GAREM1: variants seen among roughly 807,000 people sequenced by gnomAD.
GAREM1 encodes GRB2 associated regulator of MAPK1 subtype 1.
In GAREM1, 26 loss-of-function variants were observed where a neutral mutation model predicts 71.3. The observed-to-expected ratio is 0.36, with a 90% confidence interval of 0.27 to 0.51. The LOEUF is 0.51. Among genes scored for constraint, GAREM1 ranks in the 20% least tolerant of loss-of-function variants. GAREM1 has a pLI of 0.95. For synonymous variants in GAREM1, 440 were observed against 433.2 expected (o/e 1.02, Z -0.20); for missense variants, 1,026 against 1,103.1 (o/e 0.93, Z 0.99).
chr18:32,443,773 C>T (rs2048762905), intron 1 of GAREM1, among the ~76,000 whole-genome samples: 2 of 152,152 alleles, frequency 1.3e-5, no homozygotes, highest in African/African-American at 4.8e-5. Context: ...TGTAGGTACG[C>T]ATCCAACAGA....
intron 2 of GAREM1, among the ~76,000 whole-genome samples, chr18:32,315,823 G>A (rs894416118): frequency 5.3e-5 from 8 of 152,150 alleles, no homozygotes; most frequent in African/African-American, 1.7e-4. Flanking sequence ...GATGAAATAA[G>A]AAGAGCTTTG....
chr18:32,349,365 C>T (rs570781017), intron 2 of GAREM1, among the ~76,000 whole-genome samples: 7 of 152,152 alleles, frequency 4.6e-5, no homozygotes, highest in South Asian at 4.1e-4. Context: ...TTTCAAAAAC[C>T]GTCTGGATTT....
chr18:32,376,145 T>C (rs1280251771), intron 2 of GAREM1, among the ~76,000 whole-genome samples: 1 of 152,242 alleles, frequency 6.6e-6, no homozygotes, highest in Non-Finnish European at 1.5e-5. Flanking sequence ...AGAAAGACTT[T>C]TAAATGTATA....
intron 2 of GAREM1, among the ~76,000 whole-genome samples, chr18:32,377,628 A>T (rs1234166532): frequency 1.3e-5 from 2 of 152,124 alleles, no homozygotes; most frequent in Non-Finnish European, 2.9e-5. Context: ...CAGTGGCGCG[A>T]TCTCAGCTCA....
At chr18:32,290,443 A>G (rs1195304616) in intron 3 of GAREM1, 1 of 152,100 alleles carries the variant, frequency 6.6e-6, no homozygotes, top group Non-Finnish European at 1.5e-5. Flanking sequence ...TAAGGACCTG[A>G]GACCATCCTG....
chr18:32,375,473 G>A (rs927370347), intron 2 of GAREM1, among the ~76,000 whole-genome samples: 2 of 151,996 alleles, frequency 1.3e-5, no homozygotes, highest in African/African-American at 4.8e-5. Flanking sequence ...ATTAAACTGA[G>A]TCCAATGCCA....
chr18:32,268,811 A>C, intron 5 of GAREM1, 43 bp from the exon 6 acceptor site: 1 of 1,545,508 alleles, frequency 6.5e-7, no homozygotes, highest in Non-Finnish European at 8.8e-7. Context: ...AAAAGAAAAA[A>C]GCCAAATCCC....
At chr18:32,357,747 T>G (rs1043783744) in intron 2 of GAREM1, among the ~76,000 whole-genome samples, 4 of 152,182 alleles carry the variant, frequency 2.6e-5, no homozygotes, top group African/African-American at 9.7e-5. Context: ...AAGAAAAAAT[T>G]TTATCTAAGA....
At chr18:32,289,969 CTTAT>C (rs1383762941) in intron 3 of GAREM1, among the ~76,000 whole-genome samples, 24 of 151,374 alleles carry the variant, frequency 1.6e-4, no homozygotes, top group Admixed American at 1.4e-3. Context: ...ACTCTGGTGG[CTTAT>C]TTAAGGTAGG....
At chr18:32,361,700 AATT>A (rs1183234741) in intron 2 of GAREM1, among the ~76,000 whole-genome samples, 4 of 152,216 alleles carry the variant, frequency 2.6e-5, no homozygotes, top group Admixed American at 2.0e-4. Flanking sequence ...TGTTTAAGCC[AATT>A]ATTTTAGAAA....
In GAREM1 at chr18:32,287,750, C is replaced by A; in HGVS notation, c.847G>T (p.Val283Phe). Reference sequence around the variant, plus strand: ...TTGTTGTTCCGCAGCACACAGCAAACCACCACCGTCTTGGTCTGGATGTTC... The same window carrying A: ...TTGTTGTTCCGCAGCACACAGCAAAACACCACCGTCTTGGTCTGGATGTTC... ...FVNIQTKTVVVCCVLRNNKIL... is the reference protein window; with the variant it reads ...FVNIQTKTVVFCCVLRNNKIL... Residue 283 changes from valine (V) to phenylalanine (F), a missense_variant, in exon 4 of 6, where the codon GTT becomes TTT. Physicochemically the swap from Val to Phe is conservative, Grantham distance 50. This residue lies in a region of GAREM1 where 218 missense variants were observed against 296.8 expected (regional missense o/e 0.73). Coordinates refer to ENST00000269209, the MANE Select transcript of GAREM1 (RefSeq NM_001242409.2). The surrounding 1 kb of genome is among the most constrained non-coding windows in gnomAD (Gnocchi z 5.9). The A allele has an allele frequency of 1.2e-6, 2 of 1,613,814 alleles. No homozygotes were observed. The highest frequency in any genetic ancestry group is 1.7e-6 in the Non-Finnish European group (2 of 1,180,006).
chr18:32,315,471 T>A (rs2047368652), intron 2 of GAREM1, among the ~76,000 whole-genome samples: 1 of 147,322 alleles, frequency 6.8e-6, no homozygotes, highest in African/African-American at 2.5e-5. Context: ...TATAAATATA[T>A]ATAAAAGTAG....
chr18:32,310,147 AT>A (rs1332476012), intron 3 of GAREM1, 45 bp downstream of exon 3: 1 of 1,602,072 alleles, frequency 6.2e-7, no homozygotes. Context: ...TGAAAGTTAA[AT>A]TATCTTTAGT....
At chr18:32,413,190 A>G in intron 1 of GAREM1, 1 of 1,603,762 alleles carries the variant, frequency 6.2e-7, no homozygotes, top group Non-Finnish European at 8.5e-7. Context: ...GGCAGGGTGA[A>G]GAGAGACTTT....
intron 2 of GAREM1, among the ~76,000 whole-genome samples, chr18:32,340,296 T>G (rs796299850): frequency 6.6e-6 from 1 of 152,156 alleles, no homozygotes; most frequent in Non-Finnish European, 1.5e-5. Flanking sequence ...CAAAGAAGTA[T>G]GTAATTATAA....
intron 2 of GAREM1, among the ~76,000 whole-genome samples, chr18:32,332,248 C>T (rs1213130281): frequency 2.0e-5 from 3 of 151,620 alleles, no homozygotes; most frequent in Admixed American, 6.6e-5. Flanking sequence ...ATGGCGGGGC[C>T]GGGAAGAGCG....
intron 2 of GAREM1, among the ~76,000 whole-genome samples, chr18:32,332,666 C>T (rs932515341): frequency 1.3e-5 from 2 of 152,180 alleles, no homozygotes; most frequent in African/African-American, 4.8e-5. Context: ...TGCCTATCAC[C>T]AAGCCCACCA....
At chr18:32,400,304 A>G (rs1389302407) in intron 1 of GAREM1, among the ~76,000 whole-genome samples, 1 of 152,224 alleles carries the variant, frequency 6.6e-6, no homozygotes, top group Non-Finnish European at 1.5e-5. Context: ...AATGGCAACT[A>G]AAGCCAAAAT....
intron 1 of GAREM1, among the ~76,000 whole-genome samples, chr18:32,464,302 C>T (rs1404133980): frequency 1.3e-5 from 2 of 152,030 alleles, no homozygotes; most frequent in Non-Finnish European, 2.9e-5. Context: ...ATGTAAGTGT[C>T]TAAGCTCACT....
Sources: gnomAD v4.1 joint callset for allele counts (sites outside exome capture counted in the v4.1 genomes callset) on GRCh38, gnomAD v4.1.1 for gene constraint, gnomAD v4.1.1 regional missense constraint, Gnocchi (gnomAD v3.1) non-coding constraint, MANE v1.5 for transcripts, NCBI Gene and HGNC (gene_info 2026-07-23, HGNC 2026-07-21) for gene names.